BICC1: variants seen among roughly 807,000 people sequenced by gnomAD.
The protein encoded by BICC1 is BicC family RNA binding protein 1.
A neutral mutation model predicts 111.0 loss-of-function variants in BICC1; 43 were observed. The observed-to-expected ratio is 0.39, with a 90% CI of 0.30 to 0.50. The LOEUF is 0.50. Among genes scored for constraint, BICC1 ranks in the 20% least tolerant of loss-of-function variants. The pLI, the probability that BICC1 is intolerant of heterozygous loss-of-function variation, is 0.88. For missense variants in BICC1, 1,091 were observed against 1,203.2 expected (o/e 0.91, Z 1.38); for synonymous variants, 467 against 434.4 (o/e 1.07, Z -0.93).
intron 1 of BICC1, among the ~76,000 whole-genome samples, chr10:58,574,155 A>G (rs1227910891): frequency 6.6e-6 from 1 of 152,188 alleles, no homozygotes; most frequent in African/African-American, 2.4e-5. Flanking sequence ...ACCATCCTAC[A>G]GGCATTTGTT....
chr10:58,782,284 G>C (rs1000178854), intron 3 of BICC1, among the ~76,000 whole-genome samples: 2 of 152,122 alleles, frequency 1.3e-5, no homozygotes, highest in Non-Finnish European at 2.9e-5. Flanking sequence ...AACCTGTAAA[G>C]TCACACATTT....
chr10:58,715,701 A>G, intron 3 of BICC1: 1 of 1,583,550 alleles, frequency 6.3e-7, no homozygotes, highest in Non-Finnish European at 8.7e-7. Context: ...GCAACTAGAA[A>G]AGAAAAAGAA....
rs911362059 is a variant in BICC1, at chr10:58,686,851, C to T, written c.238-15223C>T. On this transcript the variant is annotated intron_variant, in intron 2 of 20. Coordinates refer to ENST00000373886, the MANE Select transcript of BICC1 (RefSeq NM_001080512.3). ...CTCAGAGAAGTTTGTTATTACCAAT[C>T]GTCTGAAGCCTTCTTCTTTCAACTC... 2.6e-5 allele frequency among the ~76,000 whole-genome samples: 4 copies of T among 152,204 alleles called. No homozygotes were observed. The East Asian group carries it at 5.8e-4, about 22-fold the overall frequency.
intron 1 of BICC1, among the ~76,000 whole-genome samples, chr10:58,612,362 T>G (rs61874052): frequency 0.024 from 3,723 of 152,300 alleles, 69 homozygotes; most frequent in Non-Finnish European, 0.04. Context: ...TCACTTGAAT[T>G]GGCTGGGTTG....
At chr10:58,553,842 G>A (rs1042767660) in intron 1 of BICC1, among the ~76,000 whole-genome samples, 1 of 151,540 alleles carries the variant, frequency 6.6e-6, no homozygotes, top group African/African-American at 2.4e-5. Flanking sequence ...TTTGTCAATA[G>A]AGTACAAAAA....
chr10:58,720,896 G>C lies in BICC1; in HGVS notation c.307+18753G>C, dbSNP rs1005430191. ...GGTAACTTGATAAGAGCAAGGAATT[G>C]GGTGGTGGGCTGCTGTAGCAGATGC... On this transcript the variant is annotated intron_variant, in intron 3 of 20. Coordinates refer to ENST00000373886, the MANE Select transcript of BICC1 (RefSeq NM_001080512.3). Among the ~76,000 whole-genome samples, 13 of 152,282 alleles carry C rather than the reference G, an allele frequency of 8.5e-5. No individual in the cohort carries two copies. In the East Asian group the frequency reaches 2.3e-3, roughly 27 times the overall value.
intron 4 of BICC1, among the ~76,000 whole-genome samples, chr10:58,786,216 G>A: frequency 6.6e-6 from 1 of 152,076 alleles, no homozygotes; most frequent in East Asian, 1.9e-4. Context: ...TGATTGTACA[G>A]CACTAAATTC....
Position 58,521,701 on chromosome 10 carries a change from C to T in BICC1, c.190+8368C>T, listed in dbSNP as rs535317051. Among the ~76,000 whole-genome samples the T allele has an allele frequency of 5.1e-4, 75 of 147,290 alleles. 1 individual carries two copies. The South Asian group carries it at 0.015, about 30-fold the overall frequency. ...ATTGAAGTGAATTTTATCTTACCTGCTTAGCATGTTTGTGGATCAGTATTT... is the reference window on the plus strand; with the variant it reads ...ATTGAAGTGAATTTTATCTTACCTGTTTAGCATGTTTGTGGATCAGTATTT... On this transcript the variant is annotated intron_variant, in intron 1 of 20. Transcript: ENST00000373886.
chr10:58,699,944 A>T (rs1263920917), intron 2 of BICC1, among the ~76,000 whole-genome samples: 1 of 152,174 alleles, frequency 6.6e-6, no homozygotes, highest in Non-Finnish European at 1.5e-5. Flanking sequence ...CTCCTGCCTC[A>T]GTCTCCCAAA....
intron 3 of BICC1, among the ~76,000 whole-genome samples, chr10:58,781,044 T>G (rs1254124661): frequency 1.3e-5 from 2 of 152,182 alleles, no homozygotes; most frequent in Non-Finnish European, 2.9e-5. Flanking sequence ...TGCATTTCCA[T>G]TACAGCTTCC....
In BICC1 at chr10:58,799,453, A is replaced by C. The variant is rs1192687556; in HGVS notation, c.1725+201A>C. On this transcript the variant is annotated intron_variant, in intron 12 of 20. Coordinates refer to ENST00000373886, the MANE Select transcript of BICC1 (RefSeq NM_001080512.3). ...TTTTTTCAACTTTTATTTTAGGTTT[A>C]GGGGGCACATATGCAGGTTTGTTAC... Among the ~76,000 whole-genome samples, 3 of 151,932 alleles carry C rather than the reference A, an allele frequency of 2.0e-5. No individual in the cohort carries two copies. In the East Asian group the frequency reaches 5.8e-4, roughly 29 times the overall value.
At chr10:58,587,064 G>A (rs1844455076) in intron 1 of BICC1, among the ~76,000 whole-genome samples, 1 of 152,150 alleles carries the variant, frequency 6.6e-6, no homozygotes, top group Non-Finnish European at 1.5e-5. Flanking sequence ...TGAATATTGA[G>A]TGCCACGTAT....
intron 2 of BICC1, among the ~76,000 whole-genome samples, chr10:58,652,133 C>CT (rs969187867): frequency 2.0e-5 from 3 of 152,094 alleles, no homozygotes; most frequent in African/African-American, 7.2e-5. Flanking sequence ...GTCATTTTAC[C>CT]TTTTTTTAAA....
intron 1 of BICC1, among the ~76,000 whole-genome samples, chr10:58,560,534 A>G (rs1424072311): frequency 1.3e-5 from 2 of 151,286 alleles, no homozygotes; most frequent in Non-Finnish European, 3.0e-5. Context: ...GATCTTTTGT[A>G]TTTTTTTAGT....
At position 58,806,614 on chromosome 10, in the gene BICC1, G is replaced by A; in HGVS notation, c.2212G>A (p.Ala738Thr). Residue 738 changes from alanine to threonine, a missense_variant, in exon 16 of 21, where the codon GCC becomes ACC. Around this residue, in one of 3 missense-constraint regions of BICC1, gnomAD observed 17 missense variants for 46.2 expected, o/e 0.37. Coordinates refer to ENST00000373886, the MANE Select transcript of BICC1 (RefSeq NM_001080512.3). ...AFDYEQKKLL[A>T]TKAMLKKPVV... Reference sequence around the variant, plus strand: ...TGACTATGAACAGAAGAAGCTATTAGCCACCAAAGGTATGTAATACACTAA... The same window carrying A: ...TGACTATGAACAGAAGAAGCTATTAACCACCAAAGGTATGTAATACACTAA... 6.2e-7 allele frequency: 1 copy of A among 1,611,812 alleles called. No individual in the cohort carries two copies. The highest frequency in any genetic ancestry group is 8.5e-7 in the Non-Finnish European group (1 of 1,178,208).
At position 58,783,007 on chromosome 10, in the gene BICC1, G is replaced by C. The variant is rs150073717; in HGVS notation, c.308-1994G>C. Reference sequence around the variant, plus strand: ...GTTGGGCTCTCTCCCAACTTGGGTTGGTCAGACGCCCCTTGTGCCTTGCTG... The same window carrying C: ...GTTGGGCTCTCTCCCAACTTGGGTTCGTCAGACGCCCCTTGTGCCTTGCTG... On this transcript the variant is annotated intron_variant, in intron 3 of 20. Coordinates refer to ENST00000373886, the MANE Select transcript of BICC1 (RefSeq NM_001080512.3). Among the ~76,000 whole-genome samples, 855 of 152,286 alleles carry C rather than the reference G, an allele frequency of 5.6e-3. 9 individuals are homozygous for C. The highest frequency in any genetic ancestry group is 0.019 in the African/African-American group (809 of 41,548).
Position 58,790,974 on chromosome 10 carries a change from G to T in BICC1, c.1047+1041G>T, listed in dbSNP as rs141391219. Among the ~76,000 whole-genome samples the T allele has an allele frequency of 5.4e-3, 829 of 152,268 alleles. 12 individuals are homozygous for T. Among genetic ancestry groups the T allele is most frequent in the African/African-American group, 0.019 (781 of 41,554 alleles). The stretch of plus-strand genomic sequence containing the variant: ...GTGGCATTTGAATCAGTAAGCCTCA[G>T]GTGTGACATTTACTATTATTAACTT... On this transcript the variant is annotated intron_variant, in intron 8 of 20. Coordinates refer to ENST00000373886, the MANE Select transcript of BICC1 (RefSeq NM_001080512.3).
At chr10:58,517,197 G>C (rs989591266) in intron 1 of BICC1, among the ~76,000 whole-genome samples, 2 of 152,142 alleles carry the variant, frequency 1.3e-5, no homozygotes, top group Admixed American at 6.5e-5. Context: ...GACCTGTGGT[G>C]GGGAGGAATG....
rs373930695 is a variant in BICC1 at position 58,710,293 on chromosome 10, C to T, written c.307+8150C>T. ...AACTCCAAATCACTGTACTCAAATGCCCTTTCACACCCATACCTTCCATGG... is the reference window on the plus strand; with the variant it reads ...AACTCCAAATCACTGTACTCAAATGTCCTTTCACACCCATACCTTCCATGG... On this transcript the variant is annotated intron_variant, in intron 3 of 20. Transcript: ENST00000373886. Among the ~76,000 whole-genome samples, 6 of 152,218 alleles carry T rather than the reference C, an allele frequency of 3.9e-5. No homozygotes were observed. In the East Asian group the frequency reaches 1.2e-3, roughly 29 times the overall value.
Sources: allele counts gnomAD v4.1 joint callset (sites outside exome capture counted in the v4.1 genomes callset), GRCh38; gene constraint gnomAD v4.1.1; regional missense constraint gnomAD v4.1.1; transcripts MANE v1.5; gene names NCBI Gene and HGNC (gene_info 2026-07-23, HGNC 2026-07-21).